Variants in FBXW7 observed in about 807,000 individuals in gnomAD.
FBXW7 encodes the protein F-box and WD repeat domain containing 7.
A neutral mutation model predicts 86.3 loss-of-function variants in FBXW7; 11 were observed. That is an observed-to-expected ratio of 0.13 (90% CI 0.08 to 0.21). FBXW7 has a LOEUF of 0.21. Ranked by LOEUF, FBXW7 falls within the 10% of genes least tolerant of loss-of-function variation. The pLI, the probability that FBXW7 is intolerant of heterozygous loss-of-function variation, is 1.00. For missense variants in FBXW7, 488 were observed against 847.4 expected, an observed-to-expected ratio of 0.58 and a Z score of 5.27; for synonymous variants, 313 against 297.9, an observed-to-expected ratio of 1.05 and a Z score of -0.52.
intron 4 of FBXW7, among the ~76,000 whole-genome samples, chr4:152,368,055 G>A (rs1038752229): frequency 3.3e-5 from 5 of 151,880 alleles, no homozygotes; most frequent in African/African-American, 1.2e-4. Context: ...CTGAATCCAT[G>A]GCACTGACCT....
chr4:152,424,566 C>T (rs554435205), intron 2 of FBXW7, among the ~76,000 whole-genome samples: 15 of 152,306 alleles, frequency 9.8e-5, no homozygotes, highest in Non-Finnish European at 1.8e-4. Flanking sequence ...CCACAGCCCA[C>T]TTGTTTTAAG....
At chr4:152,341,147 C>A (rs1384804701) in intron 6 of FBXW7, among the ~76,000 whole-genome samples, 1 of 152,200 alleles carries the variant, frequency 6.6e-6, no homozygotes, top group Non-Finnish European at 1.5e-5. Flanking sequence ...GTACTCAGTG[C>A]TACTGTCAGA....
chr4:152,487,531 T>TTTTTTTTTGTATAAA (rs1745456693), intron 2 of FBXW7, among the ~76,000 whole-genome samples: 1 of 152,128 alleles, frequency 6.6e-6, no homozygotes. Context: ...CAGTACTGTT[T>TTTTTTTTTGTATAAA]ATCTTTTTAT....
At chr4:152,517,639 G>A (rs1304064070) in intron 2 of FBXW7, among the ~76,000 whole-genome samples, 1 of 152,208 alleles carries the variant, frequency 6.6e-6, no homozygotes, top group Non-Finnish European at 1.5e-5. Context: ...CAAATTTTCA[G>A]CTATAAAATA....
intron 3 of FBXW7, 94 bp from the exon 4 acceptor site, chr4:152,411,966 G>A: frequency 8.4e-7 from 1 of 1,197,248 alleles, no homozygotes; most frequent in Non-Finnish European, 1.1e-6. Flanking sequence ...TATCATTAAT[G>A]ATTGCAAAAA....
intron 2 of FBXW7, among the ~76,000 whole-genome samples, chr4:152,415,726 T>C (rs1167918150): frequency 6.6e-6 from 1 of 152,120 alleles, no homozygotes; most frequent in Non-Finnish European, 1.5e-5. Context: ...CCCACCACTG[T>C]GAACTCATAT....
intron 2 of FBXW7, among the ~76,000 whole-genome samples, chr4:152,415,853 T>C (rs573995898): frequency 3.9e-5 from 6 of 152,246 alleles, no homozygotes; most frequent in Non-Finnish European, 7.4e-5. Flanking sequence ...TTCTTTTACT[T>C]CCTTCATAGA....
At chr4:152,412,203 T>C (rs75774139) in intron 3 of FBXW7, among the ~76,000 whole-genome samples, 4 of 152,142 alleles carry the variant, frequency 2.6e-5, no homozygotes, top group Non-Finnish European at 5.9e-5. Context: ...CAGTAGTTCA[T>C]AGACTATATC....
At chr4:152,517,678 G>A (rs1000291415) in intron 2 of FBXW7, among the ~76,000 whole-genome samples, 5 of 152,186 alleles carry the variant, frequency 3.3e-5, no homozygotes, top group African/African-American at 1.2e-4. Flanking sequence ...ACCTCATAGA[G>A]CTATCGTGAG....
chr4:152,354,222 A>C (rs1474572033), intron 4 of FBXW7, among the ~76,000 whole-genome samples: 1 of 152,096 alleles, frequency 6.6e-6, no homozygotes, highest in Non-Finnish European at 1.5e-5. Context: ...CTGTCTACTT[A>C]TCTTTAAAAA....
At chr4:152,411,006 C>T (rs1354309747) in intron 4 of FBXW7, among the ~76,000 whole-genome samples, 2 of 152,150 alleles carry the variant, frequency 1.3e-5, no homozygotes, top group African/African-American at 4.8e-5. Context: ...CTACACCCCA[C>T]ACAAGCTACT....
intron 6 of FBXW7, 21 bp downstream of exon 6, chr4:152,346,909 T>C (rs1274242922): frequency 6.2e-7 from 1 of 1,609,002 alleles, no homozygotes; most frequent in Non-Finnish European, 8.5e-7. Context: ...GCATTTCAAG[T>C]ACTATGTTTA....
At chr4:152,506,770 T>A (rs1418577741) in intron 2 of FBXW7, among the ~76,000 whole-genome samples, 2 of 152,242 alleles carry the variant, frequency 1.3e-5, no homozygotes, top group Non-Finnish European at 2.9e-5. Flanking sequence ...TTGTTAAAAT[T>A]AACTACTGCA....
intron 4 of FBXW7, among the ~76,000 whole-genome samples, chr4:152,394,692 T>C (rs575404151): frequency 6.6e-6 from 1 of 152,200 alleles, no homozygotes; most frequent in South Asian, 2.1e-4. Context: ...CCTTATAATA[T>C]ACCATAGCAA....
Position 152,535,926 on chromosome 4 carries a change from G to T in FBXW7, c.-1012C>A. On this transcript the variant is annotated 5_prime_UTR_variant, in exon 1 of 14. Transcript: ENST00000281708. ...GGCCGCGGCTCCCGCTGGCCCAGGT[G>T]AGAGCGAAGGTCTCGGCGGCGGCCA... The T allele has an allele frequency of 3.0e-6, 1 of 331,852 alleles. No individual in the cohort carries two copies. The highest frequency in any genetic ancestry group is 5.5e-6 in the Non-Finnish European group (1 of 182,520). 20.6% of individuals were successfully genotyped at this position (331,852 alleles called of 1,614,324 possible).
At chr4:152,530,055 CAA>C (rs576815451) in intron 2 of FBXW7, among the ~76,000 whole-genome samples, 5 of 82,826 alleles carry the variant, frequency 6.0e-5, no homozygotes, top group Non-Finnish European at 7.5e-5. Flanking sequence ...GACCCCGTCA[CAA>C]AAAAAAAAAA....
chr4:152,465,848 A>G (rs1049314405), intron 2 of FBXW7, among the ~76,000 whole-genome samples: 3 of 151,612 alleles, frequency 2.0e-5, no homozygotes, highest in Non-Finnish European at 4.4e-5. Context: ...TTTCTCAAAA[A>G]AAAAAAAAAA....
chr4:152,493,619 C>A (rs1456152118), intron 2 of FBXW7, among the ~76,000 whole-genome samples: 1 of 152,132 alleles, frequency 6.6e-6, no homozygotes, highest in Admixed American at 6.6e-5. Flanking sequence ...AATTCATCTT[C>A]CAGGCCCTAA....
At chr4:152,419,205 A>G (rs1227741640) in intron 2 of FBXW7, among the ~76,000 whole-genome samples, 2 of 152,166 alleles carry the variant, frequency 1.3e-5, no homozygotes, top group African/African-American at 4.8e-5. Context: ...TATAATCTTT[A>G]TTAAATTAAA....
Sources: allele counts gnomAD v4.1 joint callset (sites outside exome capture counted in the v4.1 genomes callset), GRCh38; gene constraint gnomAD v4.1.1; transcripts MANE v1.5; gene names NCBI Gene and HGNC (gene_info 2026-07-23, HGNC 2026-07-21).